SERPINA5: variants seen among roughly 807,000 people sequenced by gnomAD.
SERPINA5 encodes the protein serpin family A member 5.
SERPINA5 carries 25 observed loss-of-function variants against 25.3 expected under a neutral mutation model. That is an observed-to-expected ratio of 0.99 (90% CI 0.72 to 1.38). The LOEUF (loss-of-function observed/expected upper bound fraction) is 1.38. SERPINA5 is among the 40% of genes most tolerant of loss of function. SERPINA5 has a pLI of 0.00. For synonymous variants in SERPINA5, 234 were observed against 206.2 expected (o/e 1.14, Z -1.16); for missense variants, 599 against 509.5 (o/e 1.18, Z -1.69).
At chr14:94,583,343 A>G (rs1884974952) in intron 2 of SERPINA5, among the ~76,000 whole-genome samples, 1 of 152,186 alleles carries the variant, frequency 6.6e-6, no homozygotes, top group Non-Finnish European at 1.5e-5. Context: ...AAAGCCAGGG[A>G]AAGGCGGCAG....
chr14:94,588,962 G>T (rs1330407551), intron 3 of SERPINA5, among the ~76,000 whole-genome samples: 1 of 152,106 alleles, frequency 6.6e-6, no homozygotes, highest in Non-Finnish European at 1.5e-5. Flanking sequence ...ACCACCTTGG[G>T]GGTTAGGTTT....
intron 2 of SERPINA5, chr14:94,587,048 C>T (rs2139926358): frequency 3.1e-6 from 1 of 322,254 alleles, no homozygotes; most frequent in South Asian, 6.1e-5. Context: ...ATATCCCATC[C>T]TCCAAAATGT....
At chr14:94,591,108 T>TCCACTCCACA (rs1885269507) in intron 5 of SERPINA5, among the ~76,000 whole-genome samples, 1 of 96,936 alleles carries the variant, frequency 1.0e-5, no homozygotes, top group Admixed American at 9.2e-5. Context: ...TCTATTCAGT[T>TCCACTCCACA]CCACTCCACT....
At chr14:94,583,950 C>T (rs761560176) in intron 2 of SERPINA5, among the ~76,000 whole-genome samples, 53 of 152,166 alleles carry the variant, frequency 3.5e-4, no homozygotes, top group Non-Finnish European at 1.5e-4. Context: ...GGATTTGAAA[C>T]TAAGAAACGT....
chr14:94,585,529 C>T (rs1188031540), intron 2 of SERPINA5, among the ~76,000 whole-genome samples: 1 of 152,192 alleles, frequency 6.6e-6, no homozygotes. Flanking sequence ...CAAGGGATTT[C>T]CCACCCACCT....
chr14:94,586,201 C>A (rs1885076352), intron 2 of SERPINA5, among the ~76,000 whole-genome samples: 1 of 152,166 alleles, frequency 6.6e-6, no homozygotes, highest in Non-Finnish European at 1.5e-5. Flanking sequence ...TGGGAGACCC[C>A]ACAAAGGCCT....
chr14:94,588,814 G>A (rs1258728158), intron 3 of SERPINA5, among the ~76,000 whole-genome samples: 2 of 152,148 alleles, frequency 1.3e-5, no homozygotes, highest in Admixed American at 1.3e-4. Context: ...GGTTCATAGA[G>A]AGTGCCTTCT....
Position 94,590,136 on chromosome 14 carries a change from G to T in SERPINA5, c.715G>T (p.Glu239Ter). Residue 239 changes from glutamate to a stop codon, truncating the protein, a stop_gained, in exon 4 of 6, where the codon GAG becomes TAG. Transcript: ENST00000329597. LOFTEE classifies it high-confidence loss of function. ...TVVRVPMMSR[E>*]DQYHYLLDRN... ...GGTGCGGGTACCCATGATGAGCCGC[G>T]AGGATCAGTATCACTACCTCCTGGA... The T allele has an allele frequency of 6.2e-7, 1 of 1,614,112 alleles. No homozygotes were observed.
At chr14:94,585,228 C>A (rs1306771193) in intron 2 of SERPINA5, among the ~76,000 whole-genome samples, 1 of 152,148 alleles carries the variant, frequency 6.6e-6, no homozygotes. Context: ...GCAAGATGTA[C>A]CTTTTTGGGT....
Position 94,587,865 on chromosome 14 carries a change from C to A in SERPINA5, c.503C>A (p.Ala168Asp). ...ACCAACTTTAGGGACTCTGCAGGGG[C>A]CATGAAGCAGATCAATGATTATGTG... Reference protein sequence around the residue: ...FPTNFRDSAGAMKQINDYVAK... With the variant: ...FPTNFRDSAGDMKQINDYVAK... The change falls in exon 3 of 6, where the codon GCC becomes GAC. Residue 168 changes from alanine (A) to aspartate (D), a missense_variant. Coordinates refer to ENST00000329597, the MANE Select transcript of SERPINA5 (RefSeq NM_000624.6). 2 of 1,614,196 alleles carry A rather than the reference C, an allele frequency of 1.2e-6. No homozygotes were observed. Among genetic ancestry groups the A allele is most frequent in the Non-Finnish European group, 1.7e-6 (2 of 1,180,038 alleles).
intron 2 of SERPINA5, among the ~76,000 whole-genome samples, chr14:94,583,183 G>C (rs1884970184): frequency 6.6e-6 from 1 of 152,226 alleles, no homozygotes; most frequent in Non-Finnish European, 1.5e-5. Flanking sequence ...TTGGCCATGA[G>C]TTTCTTAGGC....
intron 2 of SERPINA5, among the ~76,000 whole-genome samples, chr14:94,583,088 G>A (rs1449069064): frequency 5.9e-5 from 9 of 152,322 alleles, no homozygotes; most frequent in Admixed American, 2.0e-4. Flanking sequence ...GGCAGAGCAG[G>A]TCCAGGCCAG....
Position 94,587,388 on chromosome 14 carries a change from T to C in SERPINA5, c.26T>C (p.Leu9Pro), listed in dbSNP as rs1432401184. MQLFLLLC[L>P]VLLSPQGASL... Reference sequence around the variant, plus strand: ...ATGCAGCTCTTCCTCCTCTTGTGCCTGGTGCTTCTCAGCCCTCAGGGGGCC... The same window carrying C: ...ATGCAGCTCTTCCTCCTCTTGTGCCCGGTGCTTCTCAGCCCTCAGGGGGCC... Residue 9 changes from leucine (L) to proline (P), a missense_variant, in exon 3 of 6, where the codon CTG becomes CCG. Coordinates refer to ENST00000329597, the MANE Select transcript of SERPINA5 (RefSeq NM_000624.6). 6.2e-7 allele frequency: 1 copy of C among 1,611,516 alleles called. No individual in the cohort carries two copies. Among genetic ancestry groups the C allele is most frequent in the Non-Finnish European group, 8.5e-7 (1 of 1,179,122 alleles).
At chr14:94,583,089 T>A (rs555179656) in intron 2 of SERPINA5, among the ~76,000 whole-genome samples, 1 of 152,264 alleles carries the variant, frequency 6.6e-6, no homozygotes, top group African/African-American at 2.4e-5. Flanking sequence ...GCAGAGCAGG[T>A]CCAGGCCAGG....
intron 4 of SERPINA5, 41 bp from the exon 5 acceptor site, chr14:94,590,708 T>A: frequency 6.3e-7 from 1 of 1,583,332 alleles, no homozygotes; most frequent in South Asian, 1.2e-5. Flanking sequence ...AGTGTGCCAA[T>A]GCCCCAGAAC....
intron 5 of SERPINA5, among the ~76,000 whole-genome samples, chr14:94,591,609 A>ATTCTATTCTATTCTC (rs1381091020): frequency 7.1e-6 from 1 of 140,530 alleles, no homozygotes; most frequent in Non-Finnish European, 1.5e-5. Flanking sequence ...ATTCTATTCT[A>ATTCTATTCTATTCTC]TTCTCTCCCT....
Position 94,589,464 on chromosome 14 carries a change from GAAAA to G in SERPINA5, c.620-572_620-569del, listed in dbSNP as rs1304382941. 9.4e-4 allele frequency among the ~76,000 whole-genome samples: 141 copies of G among 149,508 alleles called. 1 individual carries two copies. The highest frequency in any genetic ancestry group is 3.3e-3 in the African/African-American group (136 of 40,760). On this transcript the variant is annotated intron_variant, in intron 3 of 5. Coordinates refer to ENST00000329597, the MANE Select transcript of SERPINA5 (RefSeq NM_000624.6). ...CTCCATCTCAAAAAGAAGAAAAAAAGAAAAAAAAGAAAAAAAGAAATAAAATAAA... is the reference window on the plus strand; with the variant it reads ...CTCCATCTCAAAAAGAAGAAAAAAAGAAAAGAAAAAAAGAAATAAAATAAA...
At chr14:94,589,433 G>A (rs915859219) in intron 3 of SERPINA5, among the ~76,000 whole-genome samples, 1 of 151,060 alleles carries the variant, frequency 6.6e-6, no homozygotes, top group Non-Finnish European at 1.5e-5. Flanking sequence ...GGGTCACAGA[G>A]CGAGACTCCA....
In SERPINA5 at chr14:94,587,251, A is replaced by G. The variant is rs1885120688; in HGVS notation, c.-17-95A>G. ...CTTCTCTTTGAAGCTGAATGGACCA[A>G]ACATACCCATTGAGTGTTGGGTGGG... is the stretch of plus-strand genomic sequence containing the variant. On this transcript the variant is annotated intron_variant, in intron 2 of 5. Coordinates refer to ENST00000329597, the MANE Select transcript of SERPINA5 (RefSeq NM_000624.6). 16 of 1,159,786 alleles carry G rather than the reference A, an allele frequency of 1.4e-5. No homozygotes were observed. The South Asian group carries it at 2.4e-4, about 17-fold the overall frequency. 71.8% of individuals were successfully genotyped at this position (1,159,786 alleles called of 1,614,324 possible).
Sources: allele counts gnomAD v4.1 joint callset (sites outside exome capture counted in the v4.1 genomes callset), GRCh38; gene constraint gnomAD v4.1.1; transcripts MANE v1.5; gene names NCBI Gene and HGNC (gene_info 2026-07-23, HGNC 2026-07-21).